ATP8B4: variants seen among roughly 807,000 people sequenced by gnomAD.
ATP8B4 encodes ATPase phospholipid transporting 8B4 (putative), also known as probable phospholipid-transporting ATPase IM.
ATP8B4 carries 133 observed loss-of-function variants against 145.6 expected under a neutral mutation model. That is an observed-to-expected ratio of 0.91 (90% CI 0.79 to 1.05). The LOEUF (loss-of-function observed/expected upper bound fraction) is 1.05, where lower values mean the gene tolerates loss of function less well. Among genes scored for constraint, ATP8B4 ranks in the 50% least tolerant of loss-of-function variants. ATP8B4 has a pLI of 0.00. For missense variants in ATP8B4, 1,458 were observed against 1,425.2 expected (o/e 1.02, Z -0.37); for synonymous variants, 507 against 492.9 (o/e 1.03, Z -0.38).
At chr15:50,027,680 A>G (rs911268190) in intron 6 of ATP8B4, among the ~76,000 whole-genome samples, 5 of 152,208 alleles carry the variant, frequency 3.3e-5, no homozygotes, top group African/African-American at 9.7e-5. Context: ...CTGGACATTA[A>G]GCAAATTTAA....
intron 1 of ATP8B4, among the ~76,000 whole-genome samples, chr15:50,159,722 C>G (rs1261832768): frequency 1.3e-5 from 2 of 152,278 alleles, no homozygotes; most frequent in East Asian, 3.9e-4. Context: ...TCACCATCAA[C>G]TGAAAAAATT....
intron 2 of ATP8B4, among the ~76,000 whole-genome samples, chr15:50,087,754 A>T (rs1280986149): frequency 6.6e-6 from 1 of 152,056 alleles, no homozygotes; most frequent in Non-Finnish European, 1.5e-5. Context: ...CAAAGGTGAA[A>T]ATTTTTTCTA....
At chr15:49,869,060 C>A (rs1385703585) in intron 25 of ATP8B4, among the ~76,000 whole-genome samples, 1 of 152,082 alleles carries the variant, frequency 6.6e-6, no homozygotes, top group Non-Finnish European at 1.5e-5. Context: ...AGGCAGGCGC[C>A]ACCATGCCTG....
At chr15:49,987,295 G>A in intron 10 of ATP8B4, 96 bp downstream of exon 10, 2 of 1,395,042 alleles carry the variant, frequency 1.4e-6, no homozygotes, top group Non-Finnish European at 1.9e-6. Context: ...TGGAATGAAA[G>A]CACTGCGCTC....
At chr15:49,892,694 C>T (rs570211291) in intron 23 of ATP8B4, among the ~76,000 whole-genome samples, 5 of 152,268 alleles carry the variant, frequency 3.3e-5, no homozygotes, top group South Asian at 2.1e-4. Flanking sequence ...GAAAAAGCAG[C>T]GTTCCATGCA....
intron 13 of ATP8B4, among the ~76,000 whole-genome samples, chr15:49,971,438 AC>A (rs1296700342): frequency 6.6e-6 from 1 of 151,804 alleles, no homozygotes; most frequent in African/African-American, 2.4e-5. Flanking sequence ...AAAACAAACA[AC>A]CCCATCAAAA....
intron 4 of ATP8B4, among the ~76,000 whole-genome samples, chr15:50,045,963 G>T (rs1309848812): frequency 6.6e-6 from 1 of 152,198 alleles, no homozygotes; most frequent in Non-Finnish European, 1.5e-5. Flanking sequence ...TCAACAAATA[G>T]TAAGATGTTT....
At chr15:49,875,058 G>A (rs1049678278) in intron 25 of ATP8B4, among the ~76,000 whole-genome samples, 2 of 152,100 alleles carry the variant, frequency 1.3e-5, no homozygotes, top group Non-Finnish European at 2.9e-5. Context: ...AAAAATTGTA[G>A]GGTTAATTGT....
chr15:50,076,363 A>G (rs1431040321), intron 2 of ATP8B4, among the ~76,000 whole-genome samples: 1 of 152,070 alleles, frequency 6.6e-6, no homozygotes, highest in Non-Finnish European at 1.5e-5. Flanking sequence ...GTGGTGGCAC[A>G]TGCCTATAGT....
chr15:49,887,443 C>T lies in ATP8B4; in HGVS notation c.2698-7984G>A, dbSNP rs190789696. On this transcript the variant is annotated intron_variant, in intron 23 of 27. Transcript: ENST00000284509. ...GATGACTCTTTTCAGATTTCTAGGT[C>T]GACACTCTGATTTTGGGTGACTCAA... Among the ~76,000 whole-genome samples the T allele has an allele frequency of 2.1e-3, 307 of 148,534 alleles. 1 individual carries two copies. The highest frequency in any genetic ancestry group is 6.8e-3 in the African/African-American group (278 of 40,784).
At chr15:50,029,390 T>G (rs2050269456) in intron 6 of ATP8B4, among the ~76,000 whole-genome samples, 1 of 152,136 alleles carries the variant, frequency 6.6e-6, no homozygotes, top group Non-Finnish European at 1.5e-5. Context: ...TCCTAGCTTC[T>G]GATAGCTTCA....
intron 2 of ATP8B4, among the ~76,000 whole-genome samples, chr15:50,083,856 C>T (rs1326683583): frequency 2.0e-5 from 3 of 152,190 alleles, no homozygotes; most frequent in Non-Finnish European, 2.9e-5. Flanking sequence ...AATAGAGCTG[C>T]TCATCTAGCT....
chr15:49,983,770 TC>T (rs1382740633), intron 10 of ATP8B4, among the ~76,000 whole-genome samples: 1 of 152,212 alleles, frequency 6.6e-6, no homozygotes, highest in Non-Finnish European at 1.5e-5. Flanking sequence ...ACCAGCATGG[TC>T]TAGCCCCTAT....
chr15:50,029,238 TAAA>T (rs58363112), intron 6 of ATP8B4, among the ~76,000 whole-genome samples: 4 of 76,614 alleles, frequency 5.2e-5, no homozygotes, highest in South Asian at 1.1e-3. Flanking sequence ...GACTCCATCT[TAAA>T]AAAAAAAAAA....
Position 50,066,376 on chromosome 15 carries a change from C to G in ATP8B4, c.87+7751G>C, listed in dbSNP as rs76167291. Among the ~76,000 whole-genome samples the G allele has an allele frequency of 7.0e-4, 107 of 152,242 alleles. 2 individuals carry two copies. Among genetic ancestry groups the G allele is most frequent in the African/African-American group, 2.5e-3 (105 of 41,556 alleles). ...ACAACTAACAACCAGAAACCCATAA[C>G]AAATGCAAGTTACTGGTGCTTTCCA... On this transcript the variant is annotated intron_variant, in intron 3 of 27. Transcript: ENST00000284509.
intron 12 of ATP8B4, among the ~76,000 whole-genome samples, chr15:49,977,757 A>G (rs1277834402): frequency 6.6e-6 from 1 of 152,212 alleles, no homozygotes; most frequent in African/African-American, 2.4e-5. Flanking sequence ...TTTTTAAGTG[A>G]TAAAGTGTTA....
intron 6 of ATP8B4, among the ~76,000 whole-genome samples, chr15:50,017,595 A>G (rs1157549682): frequency 6.6e-6 from 1 of 152,244 alleles, no homozygotes; most frequent in Non-Finnish European, 1.5e-5. Context: ...CATTGCCTCT[A>G]GTGATAGTCT....
chr15:50,079,290 AG>A (rs1427153591), intron 2 of ATP8B4, among the ~76,000 whole-genome samples: 1 of 152,222 alleles, frequency 6.6e-6, no homozygotes, highest in Non-Finnish European at 1.5e-5. Context: ...AAATGTTTAA[AG>A]TACAGTAGGG....
At chr15:49,981,368 GTC>G (rs111349447) in intron 10 of ATP8B4, 74 bp from the exon 11 acceptor site, 7 of 1,112,682 alleles carry the variant, frequency 6.3e-6, no homozygotes, top group African/African-American at 3.2e-5. Context: ...CATATCAAAT[GTC>G]TCTGAAAGAA....
Sources: allele counts gnomAD v4.1 joint callset (sites outside exome capture counted in the v4.1 genomes callset), GRCh38; gene constraint gnomAD v4.1.1; transcripts MANE v1.5; gene names NCBI Gene and HGNC (gene_info 2026-07-23, HGNC 2026-07-21).